DAPK2: variants seen among roughly 807,000 people sequenced by gnomAD.
DAPK2 encodes the protein death-associated protein kinase 2.
Under a neutral mutation model 44.1 loss-of-function variants are expected in DAPK2, and 35 were observed. The observed-to-expected ratio is 0.79, with a 90% CI of 0.61 to 1.05. The LOEUF is 1.05. Among genes scored for constraint, DAPK2 ranks in the 50% least tolerant of loss-of-function variants. The pLI is 0.00. For synonymous variants in DAPK2, 174 were observed against 182.6 expected, an observed-to-expected ratio of 0.95 and a Z score of 0.38; for missense variants, 453 against 483.2, an observed-to-expected ratio of 0.94 and a Z score of 0.59.
intron 1 of DAPK2, among the ~76,000 whole-genome samples, chr15:63,992,131 T>C (rs991230045): frequency 5.9e-5 from 9 of 152,176 alleles, no homozygotes; most frequent in African/African-American, 2.2e-4. Flanking sequence ...CTTAAGTACA[T>C]TTTGATGCTG....
intron 1 of DAPK2, among the ~76,000 whole-genome samples, chr15:63,991,897 G>A (rs1277735779): frequency 6.6e-6 from 1 of 152,138 alleles, no homozygotes; most frequent in Admixed American, 6.5e-5. Flanking sequence ...CCTATAAATG[G>A]CCCCTGTCCA....
intron 1 of DAPK2, among the ~76,000 whole-genome samples, chr15:63,986,028 C>T (rs78939257): frequency 7.9e-5 from 12 of 152,332 alleles, no homozygotes; most frequent in African/African-American, 2.9e-4. Flanking sequence ...ATACCACACA[C>T]CACCACTCGT....
At chr15:63,921,763 T>C (rs8027782) in intron 8 of DAPK2, 10,052 of 152,176 alleles carry the variant, frequency 0.066, 1,053 homozygotes, top group African/African-American at 0.23. Context: ...CGACACAGAG[T>C]TGGGGCCGTT....
intron 2 of DAPK2, among the ~76,000 whole-genome samples, chr15:63,978,455 T>C (rs2078415199): frequency 6.6e-6 from 1 of 152,184 alleles, no homozygotes; most frequent in Admixed American, 6.5e-5. Context: ...GGTGCAGTAA[T>C]CAGTCATCTG....
rs1469777606 is a variant in DAPK2, at chr15:63,923,521, T to A, written c.858+1295A>T. On this transcript the variant is annotated intron_variant, in intron 8 of 10. Coordinates refer to ENST00000261891, the Ensembl canonical transcript of DAPK2. The surrounding 1 kb of genome is among the most constrained non-coding windows in gnomAD (Gnocchi z 4.2). Reference sequence around the variant, plus strand: ...TTAGGCCATAAGTGAGGTCAAGGAGTGTGGGGGTGCTGTCTGCATGCTCAT... The same window carrying A: ...TTAGGCCATAAGTGAGGTCAAGGAGAGTGGGGGTGCTGTCTGCATGCTCAT... 6.6e-6 allele frequency among the ~76,000 whole-genome samples: 1 copy of A among 151,426 alleles called. No homozygotes were observed. The highest frequency in any genetic ancestry group is 1.5e-5 in the Non-Finnish European group (1 of 67,856).
rs577904682 is a variant in DAPK2, at chr15:63,939,852, T to C, written c.454-491A>G. 7.9e-5 allele frequency among the ~76,000 whole-genome samples: 12 copies of C among 152,370 alleles called. No homozygotes were observed. The East Asian group carries it at 1.3e-3, about 17-fold the overall frequency. ...TCTTTCCCCTGGCCAGCCAACTTCC[T>C]GTTGACAACATTCCCCTCCTCTAGA... On this transcript the variant is annotated intron_variant, in intron 3 of 10. Transcript: ENST00000261891. The surrounding 1 kb of genome is among the most constrained non-coding windows in gnomAD (Gnocchi z 4.3).
At chr15:63,997,725 T>G (rs929773439) in intron 1 of DAPK2, among the ~76,000 whole-genome samples, 3 of 152,140 alleles carry the variant, frequency 2.0e-5, no homozygotes, top group African/African-American at 4.8e-5. Context: ...TGCCTCTAAT[T>G]GCCCTTGTCC....
intron 2 of DAPK2, 32 bp downstream of exon 3, chr15:63,983,501 C>G: frequency 6.2e-7 from 1 of 1,605,360 alleles, no homozygotes; most frequent in Non-Finnish European, 8.5e-7. Flanking sequence ...CTGCTGCCCC[C>G]CAACCCTGTG....
intron 2 of DAPK2, among the ~76,000 whole-genome samples, chr15:63,972,064 C>T (rs907130440): frequency 2.6e-5 from 4 of 152,366 alleles, no homozygotes; most frequent in African/African-American, 9.6e-5. Flanking sequence ...AGAGGGCTTA[C>T]TTTCCCCTTG....
intron 4 of DAPK2, among the ~76,000 whole-genome samples, chr15:63,932,164 T>TAAAAA (rs1192270288): frequency 9.3e-6 from 1 of 107,532 alleles, no homozygotes; most frequent in Non-Finnish European, 1.8e-5. Context: ...GAGACCCTGT[T>TAAAAA]TAAAAAAAAA....
intron 3 of DAPK2, among the ~76,000 whole-genome samples, chr15:63,949,195 T>A (rs1300779690): frequency 2.0e-5 from 3 of 152,208 alleles, no homozygotes; most frequent in Non-Finnish European, 2.9e-5. Flanking sequence ...AACCACAGCC[T>A]CTGGCTACTC....
At chr15:63,945,777 G>A (rs11634883) in intron 3 of DAPK2, among the ~76,000 whole-genome samples, 151,460 of 152,322 alleles carry the variant, frequency 0.99, 75,308 homozygotes, top group East Asian at 1. Flanking sequence ...TTCAAGCTCT[G>A]GGCTCTGCAG....
chr15:64,009,333 A>C (rs1490508473), intron 1 of DAPK2, among the ~76,000 whole-genome samples: 1 of 151,786 alleles, frequency 6.6e-6, no homozygotes, highest in African/African-American at 2.4e-5. Context: ...TCAGCCCTCC[A>C]CCCACACACC....
At position 63,923,081 on chromosome 15, in the gene DAPK2, T is replaced by C; in HGVS notation, c.858+1735A>G. The C allele has an allele frequency of 6.5e-7, 1 of 1,535,828 alleles. No homozygotes were observed. Among genetic ancestry groups the C allele is most frequent in the Non-Finnish European group, 8.7e-7 (1 of 1,146,726 alleles). On this transcript the variant is annotated intron_variant, in intron 8 of 10. Coordinates refer to ENST00000261891, the Ensembl canonical transcript of DAPK2. This position sits in a 1 kb window ranked among gnomAD's most constrained non-coding sequence, Gnocchi z 4.2. The stretch of plus-strand genomic sequence containing the variant: ...CCGGGCGCTCTCATTCTCCTCTCGG[T>C]ACCAAGCTTCCTTCTCATTGAAGAT...
At chr15:64,018,592 T>C (rs1314350935) in intron 1 of DAPK2, among the ~76,000 whole-genome samples, 3 of 152,148 alleles carry the variant, frequency 2.0e-5, no homozygotes, top group African/African-American at 7.2e-5. Context: ...CGTGGTTCTC[T>C]GGGTCCCACA....
chr15:63,935,819 T>C (rs540782019), intron 4 of DAPK2: 2 of 151,990 alleles, frequency 1.3e-5, no homozygotes, highest in South Asian at 4.1e-4. Context: ...TTTCTATGTC[T>C]TTGTCACTCT....
At chr15:63,926,626 C>T (rs2079281476) in intron 6 of DAPK2, among the ~76,000 whole-genome samples, 1 of 152,014 alleles carries the variant, frequency 6.6e-6, no homozygotes, top group Non-Finnish European at 1.5e-5. Context: ...TGTGGTTCCC[C>T]AACAGGGTTT....
At position 63,922,378 on chromosome 15, in the gene DAPK2, G is replaced by A. The variant is rs1388687626; in HGVS notation, c.858+2438C>T. The stretch of plus-strand genomic sequence containing the variant: ...CCAAGATCTACAGTCCATAAGGTAT[G>A]TAGGCAGAAAGTGAGATATGAACAA... On this transcript the variant is annotated intron_variant, in intron 8 of 10. Transcript: ENST00000261891. 14 of 1,048,604 alleles carry A rather than the reference G, an allele frequency of 1.3e-5. No homozygotes were observed. In the South Asian group the frequency reaches 3.8e-4, roughly 28 times the overall value. 65.0% of individuals were successfully genotyped at this position (1,048,604 alleles called of 1,614,324 possible). A position where few individuals can be genotyped will look rare whatever the true frequency, so the allele number is the denominator to read the frequency against.
chr15:63,978,303 TGTGACCTCGGGCA>T, intron 2 of DAPK2, among the ~76,000 whole-genome samples: 1 of 152,180 alleles, frequency 6.6e-6, no homozygotes, highest in Non-Finnish European at 1.5e-5. Flanking sequence ...TGTGTGGGCC[TGTGACCTCGGGCA>T]AATATCTAAA....
Sources: gnomAD v4.1 joint callset for allele counts (sites outside exome capture counted in the v4.1 genomes callset) on GRCh38, gnomAD v4.1.1 for gene constraint, Gnocchi (gnomAD v3.1) non-coding constraint, MANE v1.5 for transcripts, NCBI Gene and HGNC (gene_info 2026-07-23, HGNC 2026-07-21) for gene names.